Variants in DEAF1 observed in about 807,000 individuals in gnomAD.
The protein encoded by DEAF1 is deformed epidermal autoregulatory factor 1 homolog.
In DEAF1, 53 loss-of-function variants were observed where a neutral mutation model predicts 58.9. The ratio of observed to expected loss-of-function variants is 0.90; its 90% confidence interval spans 0.72 to 1.13. The LOEUF (loss-of-function observed/expected upper bound fraction) is 1.13. Among genes scored for constraint, DEAF1 ranks in the 50% most tolerant of loss-of-function variants. The probability of loss-of-function intolerance (pLI) is 0.00; values close to 1 mark genes in which losing one functional copy is unlikely to be tolerated. For missense variants in DEAF1, 685 were observed against 791.4 expected, an observed-to-expected ratio of 0.87 and a Z score of 1.61; for synonymous variants, 385 against 340.4, an observed-to-expected ratio of 1.13 and a Z score of -1.44.
chr11:680,011 G>GACCAGGAT, intron 7 of DEAF1, 195 bp from the exon 8 acceptor site: 1 of 673,694 alleles, frequency 1.5e-6, no homozygotes, highest in Non-Finnish European at 2.5e-6. Context: ...AAACCAGGAT[G>GACCAGGAT]GCCAGGATGG....
intron 9 of DEAF1, among the ~76,000 whole-genome samples, chr11:676,772 G>A (rs1271497508): frequency 2.6e-5 from 4 of 152,152 alleles, no homozygotes; most frequent in Non-Finnish European, 4.4e-5. Context: ...CCAAAGCGCT[G>A]GGATTACCGG....
chr11:650,042 AAAAC>A (rs1858692635), intron 11 of DEAF1, among the ~76,000 whole-genome samples: 2 of 142,450 alleles, frequency 1.4e-5, no homozygotes, highest in African/African-American at 5.1e-5. Context: ...AACAAAAACA[AAAAC>A]AAAAACAAAA....
Position 661,561 on chromosome 11 carries a change from T to C in DEAF1, c.1504-7510A>G, listed in dbSNP as rs559290178. Among the ~76,000 whole-genome samples, 8 of 151,954 alleles carry C rather than the reference T, an allele frequency of 5.3e-5. No individual in the cohort carries two copies. In the East Asian group the frequency reaches 7.8e-4, roughly 15 times the overall value. On this transcript the variant is annotated intron_variant, in intron 10 of 11. Transcript: ENST00000382409. Reference sequence around the variant, plus strand: ...ACCGCGTCTACTAAAAATACAAAAATTAGCCAGGCGTGGTGGCAAGCGCCT... The same window carrying C: ...ACCGCGTCTACTAAAAATACAAAAACTAGCCAGGCGTGGTGGCAAGCGCCT...
At chr11:651,682 C>A (rs553827924) in intron 11 of DEAF1, among the ~76,000 whole-genome samples, 7 of 152,086 alleles carry the variant, frequency 4.6e-5, no homozygotes, top group African/African-American at 1.7e-4. Context: ...GTCAGGAGAT[C>A]GAGACCATCC....
intron 10 of DEAF1, among the ~76,000 whole-genome samples, chr11:658,967 C>T (rs1299156078): frequency 6.6e-6 from 1 of 152,218 alleles, no homozygotes; most frequent in Non-Finnish European, 1.5e-5. Flanking sequence ...AAAGCCACTC[C>T]TTCAGAAACA....
chr11:668,819 A>T (rs1349269735), intron 10 of DEAF1, among the ~76,000 whole-genome samples: 1 of 151,346 alleles, frequency 6.6e-6, no homozygotes, highest in African/African-American at 2.4e-5. Flanking sequence ...GAAACCCTTT[A>T]AAAAAAAAGT....
intron 10 of DEAF1, among the ~76,000 whole-genome samples, chr11:661,218 T>G (rs983026070): frequency 3.3e-5 from 5 of 151,738 alleles, no homozygotes; most frequent in African/African-American, 1.2e-4. Flanking sequence ...GGGCAGTGAG[T>G]CCAAGACCCT....
intron 1 of DEAF1, chr11:703,174 C>T (rs905321252): frequency 1.3e-6 from 2 of 1,585,238 alleles, no homozygotes; most frequent in South Asian, 1.1e-5. Flanking sequence ...GGATACCCCA[C>T]ACTGGGGCCC....
At chr11:657,377 G>A (rs973487957) in intron 10 of DEAF1, among the ~76,000 whole-genome samples, 4 of 152,160 alleles carry the variant, frequency 2.6e-5, no homozygotes, top group Non-Finnish European at 2.9e-5. Flanking sequence ...AGGAGCCGAC[G>A]GCAGGAGCTC....
At chr11:671,595 G>T (rs144847653) in intron 10 of DEAF1, among the ~76,000 whole-genome samples, 21 of 151,340 alleles carry the variant, frequency 1.4e-4, no homozygotes, top group Non-Finnish European at 2.9e-4. Context: ...ATTAATGCTG[G>T]GTCCAGTGGC....
chr11:678,692 A>T lies in DEAF1; in HGVS notation c.1255+2T>A. On this transcript the variant is annotated splice_donor_variant, in intron 9 of 11. Transcript: ENST00000382409. LOFTEE classifies it high-confidence loss of function. Reference sequence around the variant, plus strand: ...TACATGTGTGAATTCTTTCAAACCTACCTATTTTGGGATGTGACGTTGGCA... The same window carrying T: ...TACATGTGTGAATTCTTTCAAACCTTCCTATTTTGGGATGTGACGTTGGCA... 6.2e-7 allele frequency: 1 copy of T among 1,614,006 alleles called. No homozygotes were observed. The highest frequency in any genetic ancestry group is 1.1e-5 in the South Asian group (1 of 91,066).
chr11:646,921 G>A lies in DEAF1; in HGVS notation c.1594-2267C>T, dbSNP rs147629633. On this transcript the variant is annotated intron_variant, in intron 11 of 11. Transcript: ENST00000382409. ...ACTGTAAAAACAATGACTTCGGGAG[G>A]TTGAGGTCACTTGAGGTCAGGGGTT... Among the ~76,000 whole-genome samples the A allele has an allele frequency of 5.5e-3, 831 of 152,190 alleles. 4 individuals carry two copies. Among genetic ancestry groups the A allele is most frequent in the African/African-American group, 0.019 (803 of 41,510 alleles).
At chr11:669,150 A>G in intron 10 of DEAF1, among the ~76,000 whole-genome samples, 1 of 130,074 alleles carries the variant, frequency 7.7e-6, no homozygotes, top group South Asian at 2.3e-4. Context: ...TTTTTTGTAC[A>G]GACAGGGTCT....
chr11:706,254 G>C (rs1281926047), intron 1 of DEAF1: 1 of 152,042 alleles, frequency 6.6e-6, no homozygotes, highest in Non-Finnish European at 1.5e-5. Flanking sequence ...GGCGAGCGCC[G>C]AGGGGACAGG....
At chr11:682,127 T>C (rs1343998831) in intron 6 of DEAF1, among the ~76,000 whole-genome samples, 1 of 152,176 alleles carries the variant, frequency 6.6e-6, no homozygotes, top group Admixed American at 6.5e-5. Flanking sequence ...GGCTCGGCCC[T>C]GGGTGGGGTG....
intron 11 of DEAF1, among the ~76,000 whole-genome samples, chr11:653,246 CTG>C (rs1858871590): frequency 4.2e-5 from 6 of 141,192 alleles, no homozygotes; most frequent in Non-Finnish European, 6.1e-5. Context: ...ACTGTGGACG[CTG>C]TCTCTCGCGT....
At chr11:692,268 C>T (rs567481082) in intron 1 of DEAF1, 4 of 161,114 alleles carry the variant, frequency 2.5e-5, no homozygotes, top group African/African-American at 9.6e-5. Context: ...TCAGCTGCAC[C>T]CCACCTCCTG....
chr11:680,073 T>C, intron 7 of DEAF1: 1 of 551,410 alleles, frequency 1.8e-6, no homozygotes, highest in Non-Finnish European at 3.3e-6. Context: ...CATGGAAATG[T>C]GCTGCCCAGC....
chr11:685,417 G>A (rs557246959), intron 5 of DEAF1, among the ~76,000 whole-genome samples: 3 of 152,176 alleles, frequency 2.0e-5, no homozygotes, highest in African/African-American at 7.2e-5. Context: ...AATCAGGGCC[G>A]GGCATGGTGG....
Sources: gnomAD v4.1 joint callset for allele counts (sites outside exome capture counted in the v4.1 genomes callset) on GRCh38, gnomAD v4.1.1 for gene constraint, MANE v1.5 for transcripts, NCBI Gene and HGNC (gene_info 2026-07-23, HGNC 2026-07-21) for gene names.